Variants in THSD7B observed in about 807,000 individuals in gnomAD.
THSD7B encodes the protein thrombospondin type 1 domain containing 7B, also known as thrombospondin type-1 domain-containing protein 7B.
In THSD7B, 138 loss-of-function variants were observed where a neutral mutation model predicts 213.6. The observed-to-expected ratio is 0.65, with a 90% confidence interval of 0.56 to 0.74. THSD7B has a LOEUF of 0.74. THSD7B is among the 30% of genes least tolerant of loss of function. The pLI is 0.00. For synonymous variants in THSD7B, 742 were observed against 687.0 expected (o/e 1.08, Z -1.25); for missense variants, 1,931 against 1,991.5 (o/e 0.97, Z 0.58).
chr2:137,539,714 G>A (rs1680574963), intron 15 of THSD7B, among the ~76,000 whole-genome samples: 1 of 151,578 alleles, frequency 6.6e-6, no homozygotes, highest in Admixed American at 6.6e-5. Context: ...TTTTTTCTCT[G>A]AGTAAAAATA....
chr2:137,351,175 A>G (rs2104921199), intron 12 of THSD7B, among the ~76,000 whole-genome samples: 1 of 152,064 alleles, frequency 6.6e-6, no homozygotes, highest in Admixed American at 6.6e-5. Context: ...TTCCCTGAAG[A>G]ACTTCAACAT....
At chr2:137,476,466 C>G (rs1296113920) in intron 15 of THSD7B, among the ~76,000 whole-genome samples, 1 of 151,978 alleles carries the variant, frequency 6.6e-6, no homozygotes, top group Non-Finnish European at 1.5e-5. Context: ...ATGTCTAAGT[C>G]TTTAATCCAT....
intron 15 of THSD7B, among the ~76,000 whole-genome samples, chr2:137,546,250 A>G (rs1414254369): frequency 1.4e-5 from 2 of 141,220 alleles, no homozygotes; most frequent in Non-Finnish European, 3.0e-5. Flanking sequence ...CAAAAGTTTT[A>G]GCTTCAGGTG....
At chr2:136,898,387 G>T (rs772942417) in intron 2 of THSD7B, among the ~76,000 whole-genome samples, 1 of 152,134 alleles carries the variant, frequency 6.6e-6, no homozygotes, top group Admixed American at 6.5e-5. Flanking sequence ...TAGACTGAGT[G>T]CAGTGAACTC....
intron 2 of THSD7B, among the ~76,000 whole-genome samples, chr2:136,934,776 G>T (rs1028597867): frequency 1.3e-5 from 2 of 152,138 alleles, no homozygotes; most frequent in African/African-American, 4.8e-5. Flanking sequence ...GCATACTTAA[G>T]TCATTTTAGA....
At position 137,067,493 on chromosome 2, in the gene THSD7B, T is replaced by C. The variant is rs58599216; in HGVS notation, c.950+10263T>C. On this transcript the variant is annotated intron_variant, in intron 3 of 27. Transcript: ENST00000409968. ...TCTAAATAAGGTCTGAAACAAGCAA[T>C]TTTTTCCATTGTAACCCCCTAATAT... is the stretch of plus-strand genomic sequence containing the variant. Among the ~76,000 whole-genome samples, 3,100 of 152,162 alleles carry C rather than the reference T, an allele frequency of 0.02. 245 individuals carry two copies. In the East Asian group the frequency reaches 0.26, roughly 13 times the overall value.
chr2:137,248,394 G>A (rs1168219879), intron 10 of THSD7B, among the ~76,000 whole-genome samples: 1 of 152,098 alleles, frequency 6.6e-6, no homozygotes, highest in Non-Finnish European at 1.5e-5. Context: ...CTGGCACATG[G>A]TGGGCATTTA....
intron 3 of THSD7B, among the ~76,000 whole-genome samples, chr2:137,063,945 T>C (rs1687328003): frequency 6.6e-6 from 1 of 152,116 alleles, no homozygotes; most frequent in Non-Finnish European, 1.5e-5. Flanking sequence ...TTCCAAATCT[T>C]GACTATTGTG....
At chr2:137,454,816 G>A (rs1687731684) in intron 15 of THSD7B, among the ~76,000 whole-genome samples, 1 of 151,928 alleles carries the variant, frequency 6.6e-6, no homozygotes, top group Non-Finnish European at 1.5e-5. Flanking sequence ...TTCGTCTCCT[G>A]TCCAATTTGT....
At chr2:136,967,088 T>C (rs1467445357) in intron 2 of THSD7B, among the ~76,000 whole-genome samples, 1 of 152,192 alleles carries the variant, frequency 6.6e-6, no homozygotes, top group Non-Finnish European at 1.5e-5. Context: ...CTGTGTCCTC[T>C]ACCGTGCTCA....
chr2:137,003,860 G>A (rs1686049704), intron 2 of THSD7B, among the ~76,000 whole-genome samples: 1 of 152,196 alleles, frequency 6.6e-6, no homozygotes, highest in African/African-American at 2.4e-5. Flanking sequence ...AGCAATGAAT[G>A]TGGTATATCC....
chr2:136,864,067 C>T (rs1306803632), intron 1 of THSD7B, among the ~76,000 whole-genome samples: 2 of 152,162 alleles, frequency 1.3e-5, no homozygotes, highest in African/African-American at 4.8e-5. Flanking sequence ...AGGGAAACAA[C>T]ACTATTTTTA....
At chr2:137,221,160 A>T (rs1681360662) in intron 7 of THSD7B, among the ~76,000 whole-genome samples, 1 of 152,024 alleles carries the variant, frequency 6.6e-6, no homozygotes, top group African/African-American at 2.4e-5. Flanking sequence ...GGTGGCGGGC[A>T]CCTGTAGTCC....
intron 4 of THSD7B, among the ~76,000 whole-genome samples, chr2:137,098,424 A>G (rs1163767184): frequency 6.6e-6 from 1 of 152,166 alleles, no homozygotes; most frequent in Non-Finnish European, 1.5e-5. Context: ...GTGAAAATAC[A>G]CCAAATAAAT....
At chr2:137,597,912 A>G (rs1038956255) in intron 17 of THSD7B, among the ~76,000 whole-genome samples, 17 of 152,134 alleles carry the variant, frequency 1.1e-4, no homozygotes, top group African/African-American at 3.4e-4. Context: ...TTTCATATCT[A>G]TAATATGGTT....
chr2:137,525,880 G>A (rs1009308284), intron 15 of THSD7B, among the ~76,000 whole-genome samples: 1 of 152,130 alleles, frequency 6.6e-6, no homozygotes, highest in South Asian at 2.1e-4. Context: ...CCCCATTTAG[G>A]AGCCACATAA....
intron 2 of THSD7B, among the ~76,000 whole-genome samples, chr2:137,006,278 C>T (rs939818712): frequency 5.9e-5 from 9 of 152,066 alleles, no homozygotes; most frequent in East Asian, 1.9e-4. Flanking sequence ...GCCTGTAGTC[C>T]GAACTACTCA....
chr2:136,923,944 G>T (rs575158320), intron 2 of THSD7B, among the ~76,000 whole-genome samples: 1 of 152,204 alleles, frequency 6.6e-6, no homozygotes, highest in East Asian at 1.9e-4. Context: ...AAACATGGAA[G>T]TCTTTAAGTT....
chr2:137,418,341 C>T (rs546980858), intron 14 of THSD7B, among the ~76,000 whole-genome samples: 16 of 152,142 alleles, frequency 1.1e-4, no homozygotes, highest in Admixed American at 5.9e-4. Context: ...TTATCACTCC[C>T]GTAGATTTTA....
Sources: allele counts gnomAD v4.1 joint callset (sites outside exome capture counted in the v4.1 genomes callset), GRCh38; gene constraint gnomAD v4.1.1; transcripts MANE v1.5; gene names NCBI Gene and HGNC (gene_info 2026-07-23, HGNC 2026-07-21).